PNPT1: variants seen among roughly 807,000 people sequenced by gnomAD.
PNPT1 encodes polyribonucleotide nucleotidyltransferase 1, mitochondrial.
PNPT1 carries 53 observed loss-of-function variants against 119.5 expected under a neutral mutation model. The observed-to-expected ratio is 0.44, with a 90% CI of 0.36 to 0.56. The LOEUF (loss-of-function observed/expected upper bound fraction) is 0.56, where lower values mean the gene tolerates loss of function less well. Ranked by LOEUF, PNPT1 falls within the 20% of genes least tolerant of loss-of-function variation. The pLI is 0.00. For synonymous variants in PNPT1, 357 were observed against 322.1 expected, an observed-to-expected ratio of 1.11 and a Z score of -1.16; for missense variants, 948 against 938.5, an observed-to-expected ratio of 1.01 and a Z score of -0.13.
intron 25 of PNPT1, among the ~76,000 whole-genome samples, chr2:55,641,831 T>C (rs2586950): frequency 6.6e-6 from 1 of 151,560 alleles, no homozygotes; most frequent in African/African-American, 2.4e-5. Context: ...AAAAATGCTT[T>C]GAGACTGAAA....
intron 14 of PNPT1, among the ~76,000 whole-genome samples, chr2:55,661,449 T>C (rs1205033047): frequency 3.3e-5 from 5 of 152,160 alleles, no homozygotes; most frequent in African/African-American, 1.2e-4. Context: ...AAGATTCTTA[T>C]CATCGGAATT....
chr2:55,642,887 CAGG>C (rs891194115), intron 25 of PNPT1, among the ~76,000 whole-genome samples: 5 of 152,070 alleles, frequency 3.3e-5, no homozygotes, highest in African/African-American at 9.7e-5. Context: ...GAGGCTGAGG[CAGG>C]AGGATGGCTT....
chr2:55,675,374 G>C (rs1697032897), intron 8 of PNPT1, among the ~76,000 whole-genome samples: 3 of 151,842 alleles, frequency 2.0e-5, no homozygotes, highest in Admixed American at 2.0e-4. Context: ...GATTGCTTGA[G>C]GCCAGGAGAT....
At position 55,636,255 on chromosome 2, in the gene PNPT1, T is replaced by C. The variant is rs768892122; in HGVS notation, c.2334A>G (p.Ser778=). ...AAAAAAATCACTGAGAATTAGATGA[T>C]GACTGTGAAATAGGTTCTCCCATTA... is the stretch of plus-strand genomic sequence containing the variant. ...SIVMGEPISQ[S]SSNSQ Residue 778 remains serine, a synonymous_variant, in exon 28 of 28, where the codon TCA becomes TCG. Transcript: ENST00000447944. 1.1e-5 allele frequency: 18 copies of C among 1,611,226 alleles called. No homozygotes were observed. In the Middle Eastern group the frequency reaches 1.8e-3, roughly 162 times the overall value.
intron 18 of PNPT1, 43 bp downstream of exon 18, chr2:55,654,848 TGGGATTACA>T: frequency 6.5e-7 from 1 of 1,537,472 alleles, no homozygotes; most frequent in Non-Finnish European, 8.9e-7. Flanking sequence ...GGCTCATGCC[TGGGATTACA>T]GGCATGAGCA....
chr2:55,681,074 A>G (rs1317940628), intron 5 of PNPT1, among the ~76,000 whole-genome samples, 156 bp from the exon 6 acceptor site: 1 of 152,240 alleles, frequency 6.6e-6, no homozygotes, highest in East Asian at 1.9e-4. Flanking sequence ...CATTGGATAA[A>G]TTACTTAAAT....
intron 3 of PNPT1, 121 bp downstream of exon 3, chr2:55,686,249 G>A (rs559928370): frequency 3.6e-6 from 3 of 830,156 alleles, no homozygotes; most frequent in East Asian, 5.7e-5. Context: ...CAAAAAACTA[G>A]GAAAAATTCT....
intron 18 of PNPT1, among the ~76,000 whole-genome samples, chr2:55,652,940 T>C (rs551793934): frequency 6.6e-6 from 1 of 152,302 alleles, no homozygotes; most frequent in African/African-American, 2.4e-5. Flanking sequence ...CTCCGCCTCC[T>C]GGGTTAAAGT....
chr2:55,673,739 C>T (rs1559105637), intron 8 of PNPT1, among the ~76,000 whole-genome samples: 1 of 152,110 alleles, frequency 6.6e-6, no homozygotes, highest in Non-Finnish European at 1.5e-5. Context: ...AGCCACTGTG[C>T]CTGGCATCTT....
chr2:55,645,523 C>G, intron 21 of PNPT1, 91 bp from the exon 22 acceptor site: 3 of 770,294 alleles, frequency 3.9e-6, no homozygotes, highest in Non-Finnish European at 6.3e-6. Context: ...ACAATCTAAA[C>G]CCTGTAGCTT....
In PNPT1 at chr2:55,683,575, T is replaced by C. The variant is rs7586366; in HGVS notation, c.453+210A>G. Among the ~76,000 whole-genome samples, 21,737 of 146,718 alleles carry C rather than the reference T, an allele frequency of 0.15. 2,982 individuals are homozygous for C. Among genetic ancestry groups the C allele is most frequent in the African/African-American group, 0.37 (14,651 of 39,482 alleles). On this transcript the variant is annotated intron_variant, in intron 5 of 27. Transcript: ENST00000447944. ...TTGCAGTGAGCTGAGATCGTGCCAT[T>C]GCACTCCAGCCTGGGCGACAAAGTG...
intron 14 of PNPT1, among the ~76,000 whole-genome samples, chr2:55,661,339 C>T (rs1696567979): frequency 6.6e-6 from 1 of 152,050 alleles, no homozygotes; most frequent in Admixed American, 6.6e-5. Flanking sequence ...GATCCACCCA[C>T]CTCGGCCTCC....
rs143559182 is a variant in PNPT1, at chr2:55,652,084, T to A, written c.1495+2816A>T. ...ACTCAGCCTTTAAAATCAGATGAAA[T>A]GTAGCAGTCTCTCTCAGCCAATTAT... On this transcript the variant is annotated intron_variant, in intron 18 of 27. Coordinates refer to ENST00000447944, the MANE Select transcript of PNPT1 (RefSeq NM_033109.5). Among the ~76,000 whole-genome samples the A allele has an allele frequency of 9.8e-5, 15 of 152,294 alleles. No individual in the cohort carries two copies. The East Asian group carries it at 1.7e-3, about 18-fold the overall frequency.
chr2:55,657,057 A>G (rs991962517), intron 15 of PNPT1, among the ~76,000 whole-genome samples: 2 of 152,202 alleles, frequency 1.3e-5, no homozygotes, highest in Non-Finnish European at 2.9e-5. Flanking sequence ...GGCCGGGCGC[A>G]GTGGCTCATG....
At chr2:55,683,017 A>C (rs1028209665) in intron 5 of PNPT1, among the ~76,000 whole-genome samples, 1 of 152,222 alleles carries the variant, frequency 6.6e-6, no homozygotes, top group Non-Finnish European at 1.5e-5. Context: ...ATGGTTACTT[A>C]AGTATATGTG....
chr2:55,639,022 C>T (rs768534827), intron 26 of PNPT1, among the ~76,000 whole-genome samples: 1 of 152,128 alleles, frequency 6.6e-6, no homozygotes, highest in Non-Finnish European at 1.5e-5. Context: ...GTGATCCGTC[C>T]ACCTTGGCCT....
intron 25 of PNPT1, among the ~76,000 whole-genome samples, chr2:55,642,762 A>G (rs1695874466): frequency 6.6e-6 from 1 of 152,136 alleles, no homozygotes; most frequent in African/African-American, 2.4e-5. Context: ...TGTAATCTAA[A>G]CACCTTATGA....
At chr2:55,644,584 CT>C in intron 23 of PNPT1, 52 bp downstream of exon 23, 2 of 1,377,628 alleles carry the variant, frequency 1.5e-6, no homozygotes, top group Non-Finnish European at 2.0e-6. Context: ...AAATAGCAAA[CT>C]TTTATGGTCT....
rs139259202 is a variant in PNPT1, at chr2:55,659,387, T to C, written c.1284+770A>G. On this transcript the variant is annotated intron_variant, in intron 15 of 27. Transcript: ENST00000447944. ...CATCTCATATAAAGTAACTTAATAC[T>C]AAACGTCTCATCTTTTACTACTAAT... Among the ~76,000 whole-genome samples the C allele has an allele frequency of 6.0e-3, 914 of 152,348 alleles. 6 individuals are homozygous for C. The highest frequency in any genetic ancestry group is 0.014 in the South Asian group (66 of 4,828).
Sources: allele counts gnomAD v4.1 joint callset (sites outside exome capture counted in the v4.1 genomes callset), GRCh38; gene constraint gnomAD v4.1.1; transcripts MANE v1.5; gene names NCBI Gene and HGNC (gene_info 2026-07-23, HGNC 2026-07-21).